Variants in IFT122 observed in about 807,000 individuals in gnomAD.
IFT122 encodes the protein intraflagellar transport protein 122 homolog.
IFT122 carries 118 observed loss-of-function variants against 161.6 expected under a neutral mutation model. That is an observed-to-expected ratio of 0.73 (90% CI 0.63 to 0.85). The LOEUF is 0.85. Ranked by LOEUF, IFT122 falls within the 40% of genes least tolerant of loss-of-function variation. The probability of loss-of-function intolerance (pLI) is 0.00; values close to 1 mark genes in which losing one functional copy is unlikely to be tolerated. For missense variants in IFT122, 1,381 were observed against 1,579.6 expected (o/e 0.87, Z 2.13); for synonymous variants, 550 against 602.4 (o/e 0.91, Z 1.27).
Position 129,458,655 on chromosome 3 carries a change from C to T in IFT122, c.250C>T (p.Leu84=). The change falls in exon 4 of 30, where the codon CTG becomes TTG. Residue 84 remains leucine (L), a synonymous_variant. Transcript: ENST00000348417. The part of the protein sequence containing the change: ...DKSVIIWTSK[L]EGILKYTHND... ...AAGCGTTATTATCTGGACATCAAAA[C>T]TGGAAGGCATTCTGAAGTACACGTA... is the stretch of plus-strand genomic sequence containing the variant. 1 of 1,613,614 alleles carries T rather than the reference C, an allele frequency of 6.2e-7. No individual in the cohort carries two copies. Among genetic ancestry groups the T allele is most frequent in the Non-Finnish European group, 8.5e-7 (1 of 1,179,528 alleles).
Position 129,449,987 on chromosome 3 carries a change from TTG to T in IFT122, c.108+53_108+54del, listed in dbSNP as rs772926277. On this transcript the variant is annotated intron_variant, in intron 2 of 29. Coordinates refer to ENST00000348417, the MANE Select transcript of IFT122 (RefSeq NM_052989.3). Reference sequence around the variant, plus strand: ...TTAAAGTGCTTCCCTAACCTCCCTCTTGTGAGTACTCTGAAATTTGACCCTTT... The same window carrying T: ...TTAAAGTGCTTCCCTAACCTCCCTCTTGAGTACTCTGAAATTTGACCCTTT... The T allele has an allele frequency of 2.7e-5, 32 of 1,177,424 alleles. No homozygotes were observed. In the East Asian group the frequency reaches 7.2e-4, roughly 27 times the overall value. 72.9% of individuals were successfully genotyped at this position (1,177,424 alleles called of 1,614,324 possible).
chr3:129,490,613 C>T (rs554492795), intron 16 of IFT122, among the ~76,000 whole-genome samples: 143 of 152,346 alleles, frequency 9.4e-4, no homozygotes, highest in Non-Finnish European at 1.9e-3. Flanking sequence ...GTGTCAGTAG[C>T]AGGCCCCTTT....
intron 19 of IFT122, 32 bp from the exon 20 acceptor site, chr3:129,502,679 C>T (rs1178454526): frequency 6.2e-7 from 1 of 1,601,890 alleles, no homozygotes; most frequent in Non-Finnish European, 8.5e-7. Flanking sequence ...AGACCCAGAG[C>T]CCACCCTCCT....
chr3:129,514,750 T>A, intron 25 of IFT122, 196 bp downstream of exon 25: 1 of 696,364 alleles, frequency 1.4e-6, no homozygotes, highest in Non-Finnish European at 2.5e-6. Context: ...GCAGTCCACC[T>A]GGCGCCCGCT....
intron 15 of IFT122, among the ~76,000 whole-genome samples, chr3:129,484,749 C>T (rs1202932205): frequency 6.6e-6 from 1 of 152,212 alleles, no homozygotes. Context: ...AAGCATCGTT[C>T]TGTGTCAGTA....
rs2072783369 is a variant in IFT122 at position 129,440,358 on chromosome 3, A to C, written c.28A>C (p.Lys10Gln). The change falls in exon 1 of 30, where the codon AAA becomes CAA. Residue 10 changes from lysine (K) to glutamine (Q), a missense_variant. Physicochemically the swap from Lys to Gln is moderately conservative, Grantham distance 53 (BLOSUM62 1). Transcript: ENST00000348417. The stretch of plus-strand genomic sequence containing the variant: ...GAGGGCCGTGTTGACGTGGAGAGAT[A>C]AAGCCGAGCACTGGTGAGGAGCGGG... MRAVLTWRD[K>Q]AEHCINDIAF... 2 of 1,550,736 alleles carry C rather than the reference A, an allele frequency of 1.3e-6. No individual in the cohort carries two copies. The highest frequency in any genetic ancestry group is 1.7e-6 in the Non-Finnish European group (2 of 1,146,836).
chr3:129,482,105 C>T (rs2078726716), intron 14 of IFT122, among the ~76,000 whole-genome samples: 1 of 152,258 alleles, frequency 6.6e-6, no homozygotes, highest in Non-Finnish European at 1.5e-5. Context: ...CTATGCGCAC[C>T]TACAGCGTGG....
chr3:129,476,936 T>TA, intron 11 of IFT122, 135 bp downstream of exon 11: 6 of 980,814 alleles, frequency 6.1e-6, no homozygotes, highest in African/African-American at 1.7e-5. Context: ...TGGGTCTGTG[T>TA]CTTGTTTTCT....
chr3:129,463,672 C>A (rs764807161), intron 6 of IFT122, 46 bp downstream of exon 6: 2 of 1,453,282 alleles, frequency 1.4e-6, no homozygotes, highest in Admixed American at 3.4e-5. Context: ...TCATCTTCCA[C>A]ACAGACTCTC....
chr3:129,455,576 T>C (rs1375806246), intron 3 of IFT122, among the ~76,000 whole-genome samples: 1 of 152,078 alleles, frequency 6.6e-6, no homozygotes, highest in Admixed American at 6.5e-5. Context: ...TAGAAATAGC[T>C]AATTTTTTTT....
intron 1 of IFT122, among the ~76,000 whole-genome samples, chr3:129,448,158 A>C (rs2074269437): frequency 6.6e-6 from 1 of 152,136 alleles, no homozygotes; most frequent in African/African-American, 2.4e-5. Context: ...ATGCTGTTGA[A>C]GCGGCGTCAT....
intron 19 of IFT122, among the ~76,000 whole-genome samples, chr3:129,500,736 G>C (rs1046019553): frequency 6.6e-6 from 1 of 152,186 alleles, no homozygotes; most frequent in African/African-American, 2.4e-5. Flanking sequence ...AATAAAAGAC[G>C]TGTGGGAATG....
Position 129,458,619 on chromosome 3 carries a change from T to G in IFT122, c.214T>G (p.Ser72Ala), listed in dbSNP as rs144140226. 1,964 of 1,614,092 alleles carry G rather than the reference T, an allele frequency of 1.2e-3. 2 individuals are homozygous for G. The highest frequency in any genetic ancestry group is 1.6e-3 in the Non-Finnish European group (1,832 of 1,179,896). The change falls in exon 4 of 30, where the codon TCA (serine) becomes GCA (alanine). Residue 72 changes from serine (S) to alanine (A), a missense_variant. Around this residue, in one of 7 missense-constraint regions of IFT122, gnomAD observed 134 missense variants for 137.4 expected, o/e 0.98. Transcript: ENST00000348417. ...AKDGKRFASG[S>A]ADKSVIIWTS... The stretch of plus-strand genomic sequence containing the variant: ...TTTAGGCAAGCGCTTTGCTTCTGGA[T>G]CAGCTGACAAAAGCGTTATTATCTG...
At chr3:129,468,853 C>T (rs1008239929) in intron 8 of IFT122, among the ~76,000 whole-genome samples, 2 of 152,234 alleles carry the variant, frequency 1.3e-5, no homozygotes, top group Admixed American at 6.5e-5. Flanking sequence ...CAAGGACCCC[C>T]GCCTGCAGGA....
At chr3:129,440,518 C>G (rs776359392) in intron 1 of IFT122, 147 bp downstream of exon 1, 57 of 975,724 alleles carry the variant, frequency 5.8e-5, no homozygotes, top group Admixed American at 1.3e-4. Flanking sequence ...CAGGGTCGCC[C>G]TCCCGCCCCT....
intron 22 of IFT122, 123 bp downstream of exon 22, chr3:129,506,672 A>T (rs943155590): frequency 7.2e-7 from 1 of 1,387,652 alleles, no homozygotes; most frequent in African/African-American, 1.4e-5. Context: ...TATTGTCCAT[A>T]AGCCTGCCTT....
chr3:129,490,921 G>T (rs998980383), intron 16 of IFT122, among the ~76,000 whole-genome samples: 2 of 152,176 alleles, frequency 1.3e-5, no homozygotes, highest in Non-Finnish European at 2.9e-5. Context: ...CCTTAACGCT[G>T]CCTCCCACCC....
chr3:129,515,840 C>A (rs1353414633), intron 26 of IFT122, among the ~76,000 whole-genome samples: 1 of 152,180 alleles, frequency 6.6e-6, no homozygotes, highest in Non-Finnish European at 1.5e-5. Context: ...TGGCGCAGGG[C>A]TTTACATAAC....
chr3:129,515,704 T>A, intron 26 of IFT122, 105 bp downstream of exon 26: 1 of 926,240 alleles, frequency 1.1e-6, no homozygotes, highest in Non-Finnish European at 1.8e-6. Flanking sequence ...CAAAGGCCTC[T>A]GAATGTCCCT....
Sources: gnomAD v4.1 joint callset for allele counts (sites outside exome capture counted in the v4.1 genomes callset) on GRCh38, gnomAD v4.1.1 for gene constraint, gnomAD v4.1.1 regional missense constraint, MANE v1.5 for transcripts, NCBI Gene and HGNC (gene_info 2026-07-23, HGNC 2026-07-21) for gene names.